ARHGAP22: variants seen among roughly 807,000 people sequenced by gnomAD.
ARHGAP22 encodes Rho GTPase activating protein 22, also known as rho GTPase-activating protein 22.
ARHGAP22 carries 48 observed loss-of-function variants against 59.1 expected under a neutral mutation model. The observed-to-expected ratio is 0.81, with a 90% CI of 0.64 to 1.03. ARHGAP22 has a LOEUF of 1.03. ARHGAP22 is among the 50% of genes least tolerant of loss of function. The pLI, the probability that ARHGAP22 is intolerant of heterozygous loss-of-function variation, is 0.00. For missense variants in ARHGAP22, 1,015 were observed against 958.7 expected (o/e 1.06, Z -0.78); for synonymous variants, 445 against 416.4 (o/e 1.07, Z -0.84).
rs1348634 is a variant in ARHGAP22, at chr10:48,473,998, C to T, written c.451+5638G>A. Among the ~76,000 whole-genome samples the T allele has an allele frequency of 2.6e-4, 39 of 152,296 alleles. No individual in the cohort carries two copies. The South Asian group carries it at 7.7e-3, about 30-fold the overall frequency. On this transcript the variant is annotated intron_variant, in intron 4 of 9. Transcript: ENST00000249601. The stretch of plus-strand genomic sequence containing the variant: ...TGCGCCATGCATCCTTCTGGGGCTG[C>T]GTTCCCTGAACTGGGCGTGGAAGTT...
chr10:48,430,080 G>A, the ARHGAP22 span: 1 of 152,156 alleles, frequency 6.6e-6, no homozygotes, highest in Admixed American at 6.5e-5. Flanking sequence ...ACCTTAAGAA[G>A]GTTTTTTGTT....
chr10:48,654,825 T>C (rs11101414), upstream of ARHGAP22, among the ~76,000 whole-genome samples: 8,863 of 61,226 alleles, frequency 0.14, 339 homozygotes, highest in Non-Finnish European at 0.18. Context: ...TTTCTTTCTT[T>C]CTTCCTTCCT....
intron 4 of ARHGAP22, among the ~76,000 whole-genome samples, chr10:48,461,721 G>T (rs2047150454): frequency 6.6e-6 from 1 of 152,242 alleles, no homozygotes; most frequent in African/African-American, 2.4e-5. Context: ...GCTCTACAAG[G>T]TGCGTGCCTG....
chr10:48,609,780 C>T (rs1227116787), upstream of ARHGAP22, among the ~76,000 whole-genome samples: 1 of 152,218 alleles, frequency 6.6e-6, no homozygotes, highest in Admixed American at 6.5e-5. Flanking sequence ...GGACCTTCTA[C>T]AAGGCCTGTT....
rs1285727195 is a variant in ARHGAP22, at chr10:48,592,860, C to T, written c.35-9708G>A. 2.0e-5 allele frequency among the ~76,000 whole-genome samples: 3 copies of T among 152,338 alleles called. No homozygotes were observed. The East Asian group carries it at 5.8e-4, about 29-fold the overall frequency. ...ACCCGAGTTACTGCTGCAGCCTCTT[C>T]AAAAGAGGGCAGCCAGCAAGAGTTC... On this transcript the variant is annotated intron_variant, in intron 1 of 9. Transcript: ENST00000249601.
At chr10:48,588,709 C>T (rs2059576434) in intron 1 of ARHGAP22, among the ~76,000 whole-genome samples, 1 of 152,206 alleles carries the variant, frequency 6.6e-6, no homozygotes, top group Non-Finnish European at 1.5e-5. Context: ...CTATGGAGCT[C>T]CTCCAGGTAC....
intron 4 of ARHGAP22, 105 bp from the exon 5 acceptor site, chr10:48,459,996 C>A: frequency 8.6e-7 from 1 of 1,165,512 alleles, no homozygotes. Context: ...GGTGGCTCCT[C>A]CTCAGGAAGC....
At position 48,603,598 on chromosome 10, in the gene ARHGAP22, G is replaced by A. The variant is rs143798249; in HGVS notation, c.34+1165C>T. Among the ~76,000 whole-genome samples, 908 of 152,322 alleles carry A rather than the reference G, an allele frequency of 6.0e-3. 7 individuals carry two copies. Among genetic ancestry groups the A allele is most frequent in the Non-Finnish European group, 8.8e-3 (602 of 68,030 alleles). ...CTCATTACACAGGAGTGGGAGGGTG[G>A]AACTAAGCTCTCGCAGAGGTATCTG... On this transcript the variant is annotated intron_variant, in intron 1 of 9. Coordinates refer to ENST00000249601, the MANE Select transcript of ARHGAP22 (RefSeq NM_021226.4).
intron 3 of ARHGAP22, among the ~76,000 whole-genome samples, chr10:48,535,570 G>A (rs1304257842): frequency 1.3e-5 from 2 of 152,196 alleles, no homozygotes; most frequent in Admixed American, 6.5e-5. Flanking sequence ...CTGTCTTACT[G>A]CAGGGAGGAT....
intron 6 of ARHGAP22, 89 bp downstream of exon 6, chr10:48,454,913 T>G: frequency 8.5e-7 from 1 of 1,180,806 alleles, no homozygotes; most frequent in South Asian, 1.8e-5. Flanking sequence ...GCCATGAAAA[T>G]TCATGAAAAG....
At chr10:48,521,583 C>T (rs1467290561) in intron 3 of ARHGAP22, among the ~76,000 whole-genome samples, 1 of 152,180 alleles carries the variant, frequency 6.6e-6, no homozygotes, top group East Asian at 1.9e-4. Flanking sequence ...GAAATGATAT[C>T]AATGATTAAT....
At chr10:48,567,747 C>G (rs1280066233) in intron 2 of ARHGAP22, among the ~76,000 whole-genome samples, 1 of 152,108 alleles carries the variant, frequency 6.6e-6, no homozygotes, top group Non-Finnish European at 1.5e-5. Context: ...TCTCTCCTAT[C>G]TCTCCCCCTG....
At chr10:48,453,840 A>G (rs72796305) in intron 7 of ARHGAP22, among the ~76,000 whole-genome samples, 21,207 of 152,176 alleles carry the variant, frequency 0.14, 1,696 homozygotes, top group Middle Eastern at 0.26. Flanking sequence ...GACAGAGGGT[A>G]TGTCCCTTCT....
chr10:48,593,280 T>C (rs1467891278), intron 1 of ARHGAP22, among the ~76,000 whole-genome samples: 2 of 152,246 alleles, frequency 1.3e-5, no homozygotes, highest in East Asian at 1.9e-4. Flanking sequence ...AATTATATTA[T>C]AGAAGTGGAA....
At chr10:48,499,094 G>C (rs2051246825) in intron 3 of ARHGAP22, among the ~76,000 whole-genome samples, 4 of 152,214 alleles carry the variant, frequency 2.6e-5, no homozygotes, top group African/African-American at 9.7e-5. Context: ...GTCCAAAGCG[G>C]GTGAAGGGGC....
At chr10:48,618,598 G>A (rs2061171860) in intron 1 of ARHGAP22, among the ~76,000 whole-genome samples, 1 of 151,952 alleles carries the variant, frequency 6.6e-6, no homozygotes, top group South Asian at 2.1e-4. Context: ...CAAAATCCAT[G>A]TGATCATCTC....
intron 3 of ARHGAP22, among the ~76,000 whole-genome samples, chr10:48,524,830 C>G (rs191612975): frequency 8.5e-5 from 13 of 152,192 alleles, no homozygotes; most frequent in African/African-American, 3.1e-4. Context: ...GAAAATGATA[C>G]CGGTTCAGAT....
the ARHGAP22 span, chr10:48,435,905 ACT>A: frequency 1.3e-5 from 2 of 152,238 alleles, no homozygotes; most frequent in Non-Finnish European, 1.5e-5. Flanking sequence ...TTTTGTATAC[ACT>A]GAGTTAATCT....
chr10:48,640,962 T>G (rs935813136), intron 1 of ARHGAP22, among the ~76,000 whole-genome samples: 3 of 152,120 alleles, frequency 2.0e-5, no homozygotes, highest in African/African-American at 7.2e-5. Flanking sequence ...CCCAAAACAA[T>G]AGTAGCACAA....
Sources: allele counts gnomAD v4.1 joint callset (sites outside exome capture counted in the v4.1 genomes callset), GRCh38; gene constraint gnomAD v4.1.1; transcripts MANE v1.5; gene names NCBI Gene and HGNC (gene_info 2026-07-23, HGNC 2026-07-21).